IDE: variants seen among roughly 807,000 people sequenced by gnomAD.
IDE encodes the protein insulin degrading enzyme.
A neutral mutation model predicts 133.2 loss-of-function variants in IDE; 58 were observed. The ratio of observed to expected loss-of-function variants is 0.44; its 90% confidence interval spans 0.35 to 0.54. IDE has a LOEUF of 0.54. IDE is among the 20% of genes least tolerant of loss of function. The pLI, the probability that IDE is intolerant of heterozygous loss-of-function variation, is 0.00. For missense variants in IDE, 981 were observed against 1,234.0 expected (o/e 0.79, Z 3.07); for synonymous variants, 396 against 421.3 (o/e 0.94, Z 0.73).
At chr10:92,500,506 G>C (rs886413386) in intron 11 of IDE, among the ~76,000 whole-genome samples, 1 of 152,176 alleles carries the variant, frequency 6.6e-6, no homozygotes, top group African/African-American at 2.4e-5. Flanking sequence ...GGTATCGAAA[G>C]TAGTTAAACC....
At chr10:92,469,021 C>T (rs1845832374) in intron 18 of IDE, 31 bp from the exon 19 acceptor site, 1 of 1,208,588 alleles carries the variant, frequency 8.3e-7, no homozygotes, top group Non-Finnish European at 1.2e-6. Context: ...CAGCATATTA[C>T]AAAAACATAA....
intron 13 of IDE, among the ~76,000 whole-genome samples, chr10:92,485,044 C>T (rs999617602): frequency 1.3e-5 from 2 of 150,514 alleles, no homozygotes; most frequent in Non-Finnish European, 3.0e-5. Flanking sequence ...CAATGGAATG[C>T]GAGTCTTTTA....
Position 92,517,908 on chromosome 10 carries a change from T to A in IDE, c.662-2866A>T, listed in dbSNP as rs7093773. On this transcript the variant is annotated intron_variant, in intron 4 of 24. Coordinates refer to ENST00000265986, the MANE Select transcript of IDE (RefSeq NM_004969.4). The stretch of plus-strand genomic sequence containing the variant: ...TCCAGCCTGGGTGACAGAGTGAGAC[T>A]CTGTCTGATTGATTGATAGATAAAT... Among the ~76,000 whole-genome samples the A allele has an allele frequency of 3.1e-3, 469 of 152,272 alleles. 2 individuals are homozygous for A. The highest frequency in any genetic ancestry group is 0.011 in the African/African-American group (445 of 41,566).
At chr10:92,524,219 T>G (rs1849385756) in intron 4 of IDE, among the ~76,000 whole-genome samples, 1 of 141,974 alleles carries the variant, frequency 7.0e-6, no homozygotes, top group African/African-American at 2.6e-5. Context: ...GAGGCAGAAC[T>G]GCTTGAACCC....
At chr10:92,468,853 C>T (rs1254517533) in intron 19 of IDE, 26 bp downstream of exon 19, 5 of 1,242,912 alleles carry the variant, frequency 4.0e-6, no homozygotes, top group Non-Finnish European at 5.9e-6. Context: ...ATAGTCCATT[C>T]CCAAAGTTAC....
chr10:92,491,109 G>A (rs770921036), intron 11 of IDE, among the ~76,000 whole-genome samples: 19 of 151,818 alleles, frequency 1.3e-4, no homozygotes, highest in Non-Finnish European at 1.8e-4. Flanking sequence ...GGGGTGGCAC[G>A]CAGCTATAGT....
At position 92,546,382 on chromosome 10, in the gene IDE, T is replaced by C. The variant is rs115521076; in HGVS notation, c.99-8832A>G. On this transcript the variant is annotated intron_variant, in intron 1 of 24. Coordinates refer to ENST00000265986, the MANE Select transcript of IDE (RefSeq NM_004969.4). Reference sequence around the variant, plus strand: ...TCTTTCAATTAAAAGTTCTTAAAAATAGAGCTTTTCAAAATATCATAAAAC... The same window carrying C: ...TCTTTCAATTAAAAGTTCTTAAAAACAGAGCTTTTCAAAATATCATAAAAC... 8.3e-3 allele frequency among the ~76,000 whole-genome samples: 1,267 copies of C among 152,178 alleles called. 13 individuals carry two copies. The highest frequency in any genetic ancestry group is 0.029 in the East Asian group (148 of 5,188).
chr10:92,519,869 C>A (rs1849127305), intron 4 of IDE, among the ~76,000 whole-genome samples: 1 of 152,210 alleles, frequency 6.6e-6, no homozygotes, highest in Admixed American at 6.5e-5. Context: ...CTTTAGGAGG[C>A]TGAGGCAGGC....
chr10:92,482,395 G>T (rs141999685), intron 14 of IDE, among the ~76,000 whole-genome samples: 4 of 152,268 alleles, frequency 2.6e-5, no homozygotes, highest in Non-Finnish European at 5.9e-5. Context: ...TACTGCAATA[G>T]CATTATTCAT....
rs758978399 is a variant in IDE at position 92,537,359 on chromosome 10, A to AT, written c.283+6dup. 3.8e-6 allele frequency: 6 copies of AT among 1,580,644 alleles called. No individual in the cohort carries two copies. In the African/African-American group the frequency reaches 8.2e-5, roughly 22 times the overall value. On this transcript the variant is annotated splice_region_variant and intron_variant, in intron 2 of 24. Coordinates refer to ENST00000265986, the MANE Select transcript of IDE (RefSeq NM_004969.4). ...AACAAAGCTTAATTCACAATTTTCA[A>AT]TTGTACCTATGTGCACATCAAGTGC...
In IDE at chr10:92,549,674, T is replaced by C. The variant is rs568107299; in HGVS notation, c.99-12124A>G. On this transcript the variant is annotated intron_variant, in intron 1 of 24. Transcript: ENST00000265986. Reference sequence around the variant, plus strand: ...TACTGAATACTCAGTCAGTATCTTGTGGCACATATACTTGTTTAGGGAATA... The same window carrying C: ...TACTGAATACTCAGTCAGTATCTTGCGGCACATATACTTGTTTAGGGAATA... 6.6e-5 allele frequency among the ~76,000 whole-genome samples: 10 copies of C among 152,210 alleles called. No individual in the cohort carries two copies. The East Asian group carries it at 1.5e-3, about 23-fold the overall frequency.
At chr10:92,491,701 C>T (rs1847354905) in intron 11 of IDE, among the ~76,000 whole-genome samples, 1 of 151,764 alleles carries the variant, frequency 6.6e-6, no homozygotes, top group South Asian at 2.1e-4. Context: ...ACCTCTGCCT[C>T]CTGGGTTCAA....
Position 92,573,931 on chromosome 10 carries a change from C to T in IDE, c.89G>A (p.Arg30His). The change falls in exon 1 of 25, where the codon CGC becomes CAC. Residue 30 changes from arginine to histidine, a missense_variant. Around this residue, in one of 2 missense-constraint regions of IDE, gnomAD observed 321 missense variants for 339.3 expected, o/e 0.95. Transcript: ENST00000265986. ...GCTCCATTCCGCTTACCCACACAGG[C>T]GCTCCGGAGGCGGCAGGCGGGCGCC... ...VLGARLPPPERLCGFQKKTYS... is the reference protein window; with the variant it reads ...VLGARLPPPEHLCGFQKKTYS... 6.8e-7 allele frequency: 1 copy of T among 1,466,374 alleles called. No homozygotes were observed. The highest frequency in any genetic ancestry group is 1.4e-5 in the South Asian group (1 of 73,178). 90.8% of individuals were successfully genotyped at this position (1,466,374 alleles called of 1,614,324 possible). A position where few individuals can be genotyped will look rare whatever the true frequency, so the allele number is the denominator to read the frequency against.
chr10:92,496,958 G>A (rs934920284), intron 11 of IDE, among the ~76,000 whole-genome samples: 2 of 152,180 alleles, frequency 1.3e-5, no homozygotes, highest in African/African-American at 4.8e-5. Flanking sequence ...GGCAAATGCT[G>A]TAACTTTCAA....
At chr10:92,550,821 G>C (rs1842746192) in intron 1 of IDE, among the ~76,000 whole-genome samples, 1 of 152,202 alleles carries the variant, frequency 6.6e-6, no homozygotes. Flanking sequence ...AGTGAGCCGA[G>C]ATCGTGCCAT....
At chr10:92,502,270 T>C (rs1379735915) in intron 11 of IDE, among the ~76,000 whole-genome samples, 1 of 152,232 alleles carries the variant, frequency 6.6e-6, no homozygotes, top group Non-Finnish European at 1.5e-5. Context: ...TGTATGACTA[T>C]AGTATGCTTC....
chr10:92,499,792 CA>C (rs1464451494), intron 11 of IDE, among the ~76,000 whole-genome samples: 1 of 152,024 alleles, frequency 6.6e-6, no homozygotes, highest in Non-Finnish European at 1.5e-5. Flanking sequence ...TTGCCTATCG[CA>C]AGGTTTTGAA....
intron 9 of IDE, among the ~76,000 whole-genome samples, chr10:92,507,092 C>T (rs1848330719): frequency 7.1e-6 from 1 of 141,556 alleles, no homozygotes; most frequent in African/African-American, 2.5e-5. Flanking sequence ...GAAAGACAAA[C>T]ACCATTTGTT....
At position 92,515,007 on chromosome 10, in the gene IDE, C is replaced by G; in HGVS notation, c.697G>C (p.Glu233Gln). The G allele has an allele frequency of 1.9e-6, 3 of 1,611,542 alleles. No individual in the cohort carries two copies. The highest frequency in any genetic ancestry group is 2.5e-6 in the Non-Finnish European group (3 of 1,178,070). Residue 233 changes from glutamate (E) to glutamine (Q), a missense_variant, in exon 5 of 25, where the codon GAA (glutamate) becomes CAA (glutamine). Coordinates refer to ENST00000265986, the MANE Select transcript of IDE (RefSeq NM_004969.4). ...KYTLETRPNQ[E>Q]GIDVRQELLK... Reference sequence around the variant, plus strand: ...AGCTCTTGTCTTACATCAATGCCTTCTTGGTTTGGTCTAGTCTCCAGAGTA... The same window carrying G: ...AGCTCTTGTCTTACATCAATGCCTTGTTGGTTTGGTCTAGTCTCCAGAGTA...
Sources: allele counts gnomAD v4.1 joint callset (sites outside exome capture counted in the v4.1 genomes callset), GRCh38; gene constraint gnomAD v4.1.1; regional missense constraint gnomAD v4.1.1; transcripts MANE v1.5; gene names NCBI Gene and HGNC (gene_info 2026-07-23, HGNC 2026-07-21).